The following DPY19L4 variants were observed in gnomAD, a reference collection of about 807,000 sequenced individuals.
DPY19L4 encodes probable C-mannosyltransferase DPY19L4.
A neutral mutation model predicts 102.8 loss-of-function variants in DPY19L4; 97 were observed. The observed-to-expected ratio is 0.94, with a 90% CI of 0.80 to 1.12. DPY19L4 has a LOEUF of 1.12. Ranked by LOEUF, DPY19L4 falls within the 50% of genes most tolerant of loss-of-function variation. The pLI is 0.00. For missense variants in DPY19L4, 815 were observed against 850.4 expected, an observed-to-expected ratio of 0.96 and a Z score of 0.52; for synonymous variants, 252 against 283.1, an observed-to-expected ratio of 0.89 and a Z score of 1.10.
intron 1 of DPY19L4, among the ~76,000 whole-genome samples, chr8:94,722,753 T>C (rs143537592): frequency 6.6e-6 from 1 of 152,374 alleles, no homozygotes; most frequent in African/African-American, 2.4e-5. Flanking sequence ...TTTTGTTCGC[T>C]GTGTTAAAAT....
At chr8:94,788,916 C>G (rs936769089) in intron 18 of DPY19L4, among the ~76,000 whole-genome samples, 3 of 152,150 alleles carry the variant, frequency 2.0e-5, no homozygotes, top group African/African-American at 7.2e-5. Context: ...TTTGTGATTT[C>G]TACTTATCTT....
chr8:94,776,906 A>G (rs990652745), intron 13 of DPY19L4, among the ~76,000 whole-genome samples: 22 of 148,094 alleles, frequency 1.5e-4, no homozygotes, highest in African/African-American at 5.2e-4. Context: ...CGGGGGTTGC[A>G]GTGAGCCAAG....
At chr8:94,762,767 TG>T (rs1419193653) in intron 8 of DPY19L4, among the ~76,000 whole-genome samples, 2 of 151,670 alleles carry the variant, frequency 1.3e-5, no homozygotes, top group African/African-American at 4.8e-5. Context: ...CTGGGTGGGG[TG>T]GGGGCTGAGG....
chr8:94,741,865 C>T (rs1010000080), intron 6 of DPY19L4, among the ~76,000 whole-genome samples: 8 of 152,258 alleles, frequency 5.3e-5, no homozygotes, highest in Non-Finnish European at 2.9e-5. Flanking sequence ...TTCTCATTGG[C>T]GCTTTGGTTC....
chr8:94,789,373 TC>T (rs1421711305), intron 18 of DPY19L4, among the ~76,000 whole-genome samples: 2 of 152,182 alleles, frequency 1.3e-5, no homozygotes, highest in Non-Finnish European at 2.9e-5. Flanking sequence ...ACTAAATAAT[TC>T]TACACGAGAA....
intron 13 of DPY19L4, among the ~76,000 whole-genome samples, chr8:94,775,184 CTT>C (rs34816783): frequency 1.4e-5 from 2 of 147,396 alleles, no homozygotes; most frequent in Non-Finnish European, 1.5e-5. Flanking sequence ...CAGAGCTTTC[CTT>C]TTTTTTTTTT....
chr8:94,746,054 ATTTTTTTTTTTT>A lies in DPY19L4; in HGVS notation c.611+6278_611+6289del, dbSNP rs35095979. 1.2e-4 allele frequency among the ~76,000 whole-genome samples: 8 copies of A among 67,120 alleles called. 1 individual carries two copies. Among genetic ancestry groups the A allele is most frequent in the African/African-American group, 2.0e-4 (3 of 15,352 alleles). 44.0% of individuals were successfully genotyped at this position (67,120 alleles called of 152,430 possible). On this transcript the variant is annotated intron_variant, in intron 6 of 18. Transcript: ENST00000414645. ...CAGGCGTGAGCCACCATGCCTGGCC[ATTTTTTTTTTTT>A]TTTTTTTTTTTTTCAGATGGAGTCT...
intron 2 of DPY19L4, among the ~76,000 whole-genome samples, chr8:94,730,733 G>T (rs1203677368): frequency 7.0e-6 from 1 of 143,098 alleles, no homozygotes; most frequent in East Asian, 2.2e-4. Flanking sequence ...CAACAAGAGC[G>T]AAACTCTGTC....
intron 8 of DPY19L4, among the ~76,000 whole-genome samples, chr8:94,762,592 A>C (rs1812438910): frequency 6.6e-6 from 1 of 152,196 alleles, no homozygotes; most frequent in African/African-American, 2.4e-5. Flanking sequence ...CTGTAGAACC[A>C]GAGCCCAAAT....
chr8:94,757,891 A>C (rs1812232010), intron 7 of DPY19L4, among the ~76,000 whole-genome samples: 1 of 151,942 alleles, frequency 6.6e-6, no homozygotes. Flanking sequence ...CAGGCAAATC[A>C]CCTGAGGTCA....
At chr8:94,780,263 A>C in intron 14 of DPY19L4, 96 bp from the exon 15 acceptor site, 73 of 922,432 alleles carry the variant, frequency 7.9e-5, no homozygotes, top group Non-Finnish European at 9.9e-5. Context: ...GTATAACTAT[A>C]GAGATATATG....
chr8:94,771,041 A>C (rs1812911230), intron 13 of DPY19L4, among the ~76,000 whole-genome samples: 1 of 151,930 alleles, frequency 6.6e-6, no homozygotes, highest in Non-Finnish European at 1.5e-5. Flanking sequence ...CAGCCTCCTA[A>C]GTAGCCGGGA....
intron 7 of DPY19L4, among the ~76,000 whole-genome samples, chr8:94,759,523 T>TA (rs71273370): frequency 4.8e-5 from 4 of 83,318 alleles, no homozygotes; most frequent in Admixed American, 1.4e-4. Context: ...TTTTTTTTTT[T>TA]GAGACGGAGT....
Position 94,738,431 on chromosome 8 carries a change from T to C in DPY19L4, c.315T>C (p.Asp105=). ...CCATTTATTACTCCTATTATAAAGA[T>C]ATGTTAAAGGCACCTTCATTTGAAA... The part of the protein sequence containing the change: ...DSAIYYSYYK[D]MLKAPSFERG... The change falls in exon 4 of 19, where the codon GAT becomes GAC. Residue 105 remains aspartate, a synonymous_variant. Transcript: ENST00000414645. The C allele has an allele frequency of 6.4e-7, 1 of 1,562,676 alleles. No homozygotes were observed. The highest frequency in any genetic ancestry group is 8.6e-7 in the Non-Finnish European group (1 of 1,156,670).
chr8:94,761,930 A>T, intron 8 of DPY19L4, 96 bp downstream of exon 8: 1 of 1,269,978 alleles, frequency 7.9e-7, no homozygotes, highest in Non-Finnish European at 1.0e-6. Flanking sequence ...ATACACTCAT[A>T]TGGGAACCCC....
intron 6 of DPY19L4, among the ~76,000 whole-genome samples, chr8:94,745,237 AG>A (rs1017510044): frequency 6.6e-6 from 1 of 152,138 alleles, no homozygotes; most frequent in African/African-American, 2.4e-5. Flanking sequence ...TTGTACAGAT[AG>A]GGGGAAAAAA....
At chr8:94,755,667 G>T (rs144933141) in intron 6 of DPY19L4, among the ~76,000 whole-genome samples, 3,280 of 152,224 alleles carry the variant, frequency 0.022, 55 homozygotes, top group Non-Finnish European at 0.034. Flanking sequence ...GGTCGAGGCG[G>T]GTGGATCACC....
intron 17 of DPY19L4, 52 bp from the exon 18 acceptor site, chr8:94,787,842 A>G: frequency 9.3e-7 from 1 of 1,078,400 alleles, no homozygotes; most frequent in South Asian, 3.9e-5. Context: ...ATGTCCTTTA[A>G]ATTTTATTTT....
rs541377333 is a variant in DPY19L4, at chr8:94,774,141, T to C, written c.1455-3525T>C. Among the ~76,000 whole-genome samples the C allele has an allele frequency of 2.7e-5, 4 of 150,134 alleles. No homozygotes were observed. The East Asian group carries it at 8.0e-4, about 30-fold the overall frequency. On this transcript the variant is annotated intron_variant, in intron 13 of 18. Transcript: ENST00000414645. ...TCACTGTGCTCTCGAACTCCCAGGC[T>C]CAAGCAGTGCTCCCACGATATCCTT...
Sources: allele counts gnomAD v4.1 joint callset (sites outside exome capture counted in the v4.1 genomes callset), GRCh38; gene constraint gnomAD v4.1.1; transcripts MANE v1.5; gene names NCBI Gene and HGNC (gene_info 2026-07-23, HGNC 2026-07-21).